The following CFH variants were observed in gnomAD, a reference collection of about 807,000 sequenced individuals.
The protein encoded by CFH is complement factor H.
CFH carries 53 observed loss-of-function variants against 147.3 expected under a neutral mutation model. That is an observed-to-expected ratio of 0.36 (90% CI 0.29 to 0.45). The LOEUF is 0.45. Ranked by LOEUF, CFH falls within the 20% of genes least tolerant of loss-of-function variation. The probability of loss-of-function intolerance (pLI) is 1.00; values close to 1 mark genes in which losing one functional copy is unlikely to be tolerated. For missense variants in CFH, 1,380 were observed against 1,498.0 expected (o/e 0.92, Z 1.30); for synonymous variants, 536 against 489.4 (o/e 1.10, Z -1.26).
rs549392073 is a variant in CFH, at chr1:196,696,530, C to T, written c.1336+6291C>T. ...GTGGGAAAGATCTAAACTTGACACC[C>T]TAACACCTCAATTAAAAGAAATAGA... On this transcript the variant is annotated intron_variant, in intron 9 of 21. Coordinates refer to ENST00000367429, the MANE Select transcript of CFH (RefSeq NM_000186.4). Among the ~76,000 whole-genome samples the T allele has an allele frequency of 1.1e-4, 17 of 152,222 alleles. 1 individual carries two copies. The East Asian group carries it at 3.3e-3, about 30-fold the overall frequency.
At chr1:196,652,679 C>T (rs1666543210) in intron 1 of CFH, among the ~76,000 whole-genome samples, 1 of 151,542 alleles carries the variant, frequency 6.6e-6, no homozygotes, top group African/African-American at 2.4e-5. Flanking sequence ...ACAAGTATTA[C>T]TTGTATTATC....
chr1:196,688,321 A>G (rs950369328), intron 7 of CFH, among the ~76,000 whole-genome samples: 1 of 152,076 alleles, frequency 6.6e-6, no homozygotes, highest in African/African-American at 2.4e-5. Context: ...ATGTAATTAT[A>G]TTGTACCTTA....
chr1:196,720,991 G>T (rs1668984446), intron 11 of CFH, among the ~76,000 whole-genome samples: 1 of 151,658 alleles, frequency 6.6e-6, no homozygotes, highest in African/African-American at 2.4e-5. Context: ...ATTTGACAGT[G>T]GCCACTGTGT....
chr1:196,658,612 C>T (rs993237872), intron 1 of CFH, among the ~76,000 whole-genome samples: 6 of 151,862 alleles, frequency 4.0e-5, no homozygotes, highest in Non-Finnish European at 7.4e-5. Flanking sequence ...GGAGTTTCAC[C>T]GTGTTAGTGT....
At chr1:196,729,560 G>A (rs375841877) in intron 15 of CFH, among the ~76,000 whole-genome samples, 8 of 151,986 alleles carry the variant, frequency 5.3e-5, no homozygotes, top group East Asian at 3.9e-4. Flanking sequence ...TTCTTTTTGC[G>A]TTGTGTCCTT....
Position 196,695,935 on chromosome 1 carries a change from A to C in CFH, c.1336+5696A>C, listed in dbSNP as rs983821373. ...AGTGGGGTTTTCTAAATATACCATCATGTCATCTGCAAAAAGAGACAATTT... is the reference window on the plus strand; with the variant it reads ...AGTGGGGTTTTCTAAATATACCATCCTGTCATCTGCAAAAAGAGACAATTT... On this transcript the variant is annotated intron_variant, in intron 9 of 21. Transcript: ENST00000367429. Among the ~76,000 whole-genome samples the C allele has an allele frequency of 2.0e-5, 3 of 152,240 alleles. No homozygotes were observed. The South Asian group carries it at 6.2e-4, about 32-fold the overall frequency.
intron 1 of CFH, among the ~76,000 whole-genome samples, chr1:196,653,922 C>T (rs918252054): frequency 6.6e-6 from 1 of 152,026 alleles, no homozygotes; most frequent in African/African-American, 2.4e-5. Context: ...CATAAAAGCA[C>T]ATGTAATGCA....
At chr1:196,728,731 A>ACACG (rs1553279916) in intron 15 of CFH, among the ~76,000 whole-genome samples, 1 of 138,116 alleles carries the variant, frequency 7.2e-6, no homozygotes, top group African/African-American at 2.7e-5. Flanking sequence ...ACACACACAC[A>ACACG]CGCACACACA....
In CFH at chr1:196,663,706, G is replaced by T. The variant is rs1367125743; in HGVS notation, c.59-9272G>T. Among the ~76,000 whole-genome samples, 3 of 152,154 alleles carry T rather than the reference G, an allele frequency of 2.0e-5. No individual in the cohort carries two copies. The East Asian group carries it at 5.8e-4, about 29-fold the overall frequency. On this transcript the variant is annotated intron_variant, in intron 1 of 21. Coordinates refer to ENST00000367429, the MANE Select transcript of CFH (RefSeq NM_000186.4). Reference sequence around the variant, plus strand: ...CTGGGTGGCTAGAAGAACTTTCAGTGTGAGACTACCTTAAGCCAAATTTGT... The same window carrying T: ...CTGGGTGGCTAGAAGAACTTTCAGTTTGAGACTACCTTAAGCCAAATTTGT...
intron 9 of CFH, among the ~76,000 whole-genome samples, chr1:196,703,338 A>G (rs1434694127): frequency 1.3e-5 from 2 of 152,142 alleles, no homozygotes; most frequent in African/African-American, 2.4e-5. Context: ...AAAATTTCTC[A>G]TGCCCTACAA....
intron 9 of CFH, among the ~76,000 whole-genome samples, chr1:196,712,282 C>A (rs1256654528): frequency 6.6e-6 from 1 of 151,786 alleles, no homozygotes; most frequent in Non-Finnish European, 1.5e-5. Context: ...TGATTGTTTT[C>A]TATTTGGTTT....
intron 9 of CFH, among the ~76,000 whole-genome samples, chr1:196,693,429 C>T (rs981985926): frequency 6.6e-6 from 1 of 152,112 alleles, no homozygotes; most frequent in Non-Finnish European, 1.5e-5. Flanking sequence ...AAAAGCTGCA[C>T]TAGTCCCTCT....
At chr1:196,696,784 A>G (rs1407551924) in intron 9 of CFH, among the ~76,000 whole-genome samples, 1 of 152,230 alleles carries the variant, frequency 6.6e-6, no homozygotes, top group African/African-American at 2.4e-5. Flanking sequence ...CCAAAATAGC[A>G]TGGTACTGGT....
intron 1 of CFH, among the ~76,000 whole-genome samples, chr1:196,661,190 G>A (rs1666889474): frequency 6.6e-6 from 1 of 152,140 alleles, no homozygotes; most frequent in African/African-American, 2.4e-5. Context: ...CATATTATAT[G>A]AGTTCACTAA....
At chr1:196,689,027 AAAAGAAAG>A (rs36170795) in intron 7 of CFH, among the ~76,000 whole-genome samples, 65,244 of 149,658 alleles carry the variant, frequency 0.44, 15,642 homozygotes, top group East Asian at 0.87. Context: ...GAATAGAAAA[AAAAGAAAG>A]AAAGAAAGAA....
At position 196,677,504 on chromosome 1, in the gene CFH, A is replaced by G. The variant is rs149364107; in HGVS notation, c.456A>G (p.Pro152=). Reference sequence around the variant, plus strand: ...TGAAGTGTTTACCAGTGACAGCACCAGAGAATGGAAAAATTGTCAGTAGTG... The same window carrying G: ...TGAAGTGTTTACCAGTGACAGCACCGGAGAATGGAAAAATTGTCAGTAGTG... ...EVVKCLPVTA[P]ENGKIVSSAM... Residue 152 remains proline (P), a synonymous_variant, in exon 5 of 22, where the codon CCA becomes CCG. Coordinates refer to ENST00000367429, the MANE Select transcript of CFH (RefSeq NM_000186.4). 1.2e-6 allele frequency: 2 copies of G among 1,613,060 alleles called. No homozygotes were observed. Among genetic ancestry groups the G allele is most frequent in the Admixed American group, 1.7e-5 (1 of 59,942 alleles).
intron 8 of CFH, 83 bp downstream of exon 8, chr1:196,689,697 G>A: frequency 7.0e-7 from 1 of 1,437,410 alleles, no homozygotes; most frequent in Non-Finnish European, 9.8e-7. Flanking sequence ...GATTACACCT[G>A]TCTTATGTAA....
intron 9 of CFH, among the ~76,000 whole-genome samples, chr1:196,711,943 T>A (rs1401459250): frequency 6.6e-6 from 1 of 152,112 alleles, no homozygotes; most frequent in Non-Finnish European, 1.5e-5. Flanking sequence ...CATAGTTTCT[T>A]CTTTTCTCAC....
intron 9 of CFH, among the ~76,000 whole-genome samples, chr1:196,697,406 T>G (rs969833348): frequency 6.6e-6 from 1 of 151,986 alleles, no homozygotes; most frequent in Admixed American, 6.6e-5. Flanking sequence ...CATGAAAAAA[T>G]GCTCAGCATC....
Sources: allele counts gnomAD v4.1 joint callset (sites outside exome capture counted in the v4.1 genomes callset), GRCh38; gene constraint gnomAD v4.1.1; transcripts MANE v1.5; gene names NCBI Gene and HGNC (gene_info 2026-07-23, HGNC 2026-07-21).